The following SYNE3 variants were observed in gnomAD, a reference collection of about 807,000 sequenced individuals.
SYNE3 encodes the protein nesprin-3.
In SYNE3, 100 loss-of-function variants were observed where a neutral mutation model predicts 111.2. The observed-to-expected ratio is 0.90, with a 90% confidence interval of 0.77 to 1.06. The LOEUF is 1.06. Ranked by LOEUF, SYNE3 falls within the 50% of genes least tolerant of loss-of-function variation. The pLI, the probability that SYNE3 is intolerant of heterozygous loss-of-function variation, is 0.00. For missense variants in SYNE3, 1,160 were observed against 1,240.3 expected (o/e 0.94, Z 0.97); for synonymous variants, 547 against 533.9 (o/e 1.02, Z -0.34).
At chr14:95,497,566 CG>C (rs1566687954) in intron 1 of SYNE3, among the ~76,000 whole-genome samples, 1 of 152,170 alleles carries the variant, frequency 6.6e-6, no homozygotes, top group African/African-American at 2.4e-5. Flanking sequence ...GAATAATGCA[CG>C]GTCTGCAGAG....
chr14:95,418,055 G>A, intron 17 of SYNE3, 29 bp from the exon 18 acceptor site: 5 of 1,601,572 alleles, frequency 3.1e-6, no homozygotes, highest in Non-Finnish European at 4.2e-6. Context: ...ACAGGTGAGT[G>A]GGCTGGGGGG....
chr14:95,465,399 G>C (rs1001505841), intron 4 of SYNE3, among the ~76,000 whole-genome samples: 1 of 152,140 alleles, frequency 6.6e-6, no homozygotes, highest in Non-Finnish European at 1.5e-5. Context: ...AGCTAGGTGG[G>C]TGGATGGCTG....
Position 95,503,442 on chromosome 14 carries a change from A to G in SYNE3, c.-15+13154T>C, listed in dbSNP as rs114309106. Among the ~76,000 whole-genome samples the G allele has an allele frequency of 4.0e-3, 611 of 152,262 alleles. 4 individuals are homozygous for G. Among genetic ancestry groups the G allele is most frequent in the African/African-American group, 0.014 (590 of 41,524 alleles). ...TGCCTATTTACAGATGAAAGAACTG[A>G]GGCTCAGAGAGGCTAAGTCACCTGC... On this transcript the variant is annotated intron_variant, in intron 1 of 17. Transcript: ENST00000682763.
chr14:95,435,783 G>C (rs977295474), intron 15 of SYNE3, among the ~76,000 whole-genome samples: 7 of 152,170 alleles, frequency 4.6e-5, no homozygotes, highest in Admixed American at 1.3e-4. Flanking sequence ...GTTGAGAATG[G>C]CCTTGAATAA....
chr14:95,408,877 G>A lies in SYNE3; in HGVS notation c.*8949C>T, dbSNP rs1369455467. The A allele has an allele frequency of 1.8e-5, 6 of 337,798 alleles. No individual in the cohort carries two copies. Among genetic ancestry groups the A allele is most frequent in the Admixed American group, 1.6e-4 (4 of 24,888 alleles). The allele number at this position is 337,798 out of a possible 1,614,324, so 20.9% of individuals were successfully genotyped here. Reference sequence around the variant, plus strand: ...CCAACTCTGTCCTCTGCCTGCCCCCGCAAGGGCTGGCCTGTCCGTGCTTTT... The same window carrying A: ...CCAACTCTGTCCTCTGCCTGCCCCCACAAGGGCTGGCCTGTCCGTGCTTTT... On this transcript the variant is annotated 3_prime_UTR_variant, in exon 18 of 18. Transcript: ENST00000682763.
chr14:95,442,999 T>A (rs1886491197), intron 11 of SYNE3, among the ~76,000 whole-genome samples, 156 bp downstream of exon 11: 1 of 152,018 alleles, frequency 6.6e-6, no homozygotes, highest in African/African-American at 2.4e-5. Context: ...TCAATAATTG[T>A]CTGTTGTATG....
Position 95,407,313 on chromosome 14 carries a change from A to G in SYNE3, c.*10513T>C, listed in dbSNP as rs1199290170. Reference sequence around the variant, plus strand: ...TTTTATTTCCAAACACAAAGCAGATACATTTTTAAAAACATAAAACAACAG... The same window carrying G: ...TTTTATTTCCAAACACAAAGCAGATGCATTTTTAAAAACATAAAACAACAG... On this transcript the variant is annotated 3_prime_UTR_variant, in exon 18 of 18. Transcript: ENST00000682763. The G allele has an allele frequency of 4.6e-5, 7 of 152,242 alleles. No homozygotes were observed. Among genetic ancestry groups the G allele is most frequent in the Non-Finnish European group, 1.0e-4 (7 of 68,044 alleles). 9.4% of individuals were successfully genotyped at this position (152,242 alleles called of 1,614,324 possible). A position where few individuals can be genotyped will look rare whatever the true frequency, so the allele number is the denominator to read the frequency against.
At chr14:95,444,987 C>A (rs879474235) in intron 9 of SYNE3, among the ~76,000 whole-genome samples, 1 of 152,230 alleles carries the variant, frequency 6.6e-6, no homozygotes, top group Admixed American at 6.5e-5. Flanking sequence ...GCTGCGACAG[C>A]GACTGCCTGC....
At chr14:95,436,596 T>C (rs1039000981) in intron 15 of SYNE3, among the ~76,000 whole-genome samples, 8 of 152,268 alleles carry the variant, frequency 5.3e-5, no homozygotes, top group Admixed American at 5.2e-4. Context: ...TTAGTGGTGA[T>C]ATTTTCCAAG....
intron 1 of SYNE3, among the ~76,000 whole-genome samples, chr14:95,512,355 G>A (rs551765982): frequency 6.2e-4 from 95 of 152,132 alleles, no homozygotes; most frequent in African/African-American, 2.1e-3. Context: ...GAATATATGC[G>A]CCTCCTATTT....
At chr14:95,435,456 A>T (rs1250775547) in intron 15 of SYNE3, among the ~76,000 whole-genome samples, 3 of 152,186 alleles carry the variant, frequency 2.0e-5, no homozygotes, top group Admixed American at 6.5e-5. Context: ...AAAAATACAC[A>T]GGAGAGAGTA....
chr14:95,440,102 G>A (rs887788646), intron 11 of SYNE3, 27 bp from the exon 12 acceptor site: 2 of 1,574,472 alleles, frequency 1.3e-6, no homozygotes, highest in South Asian at 2.3e-5. Context: ...GGAGCCCAGG[G>A]CATCCTGAGT....
intron 1 of SYNE3, among the ~76,000 whole-genome samples, chr14:95,482,387 T>C (rs371802436): frequency 1.2e-4 from 18 of 152,276 alleles, no homozygotes; most frequent in African/African-American, 4.3e-4. Flanking sequence ...TGAGAAGAGA[T>C]TGCGCCACTG....
intron 17 of SYNE3, among the ~76,000 whole-genome samples, chr14:95,426,489 T>C (rs1215239308): frequency 6.6e-6 from 1 of 151,946 alleles, no homozygotes; most frequent in East Asian, 1.9e-4. Context: ...AGAAACCATT[T>C]CCTCCCACTA....
intron 1 of SYNE3, among the ~76,000 whole-genome samples, chr14:95,509,489 T>G (rs1488407093): frequency 6.6e-6 from 1 of 152,188 alleles, no homozygotes; most frequent in Non-Finnish European, 1.5e-5. Flanking sequence ...AACACCTACT[T>G]TGAGGCTGTG....
At chr14:95,453,954 G>A (rs1043992759) in intron 6 of SYNE3, among the ~76,000 whole-genome samples, 2 of 152,240 alleles carry the variant, frequency 1.3e-5, no homozygotes, top group Non-Finnish European at 2.9e-5. Context: ...GACCTATAAT[G>A]TTGTCAGGTT....
At chr14:95,511,900 G>A (rs377649275) in intron 1 of SYNE3, among the ~76,000 whole-genome samples, 3 of 149,954 alleles carry the variant, frequency 2.0e-5, no homozygotes, top group African/African-American at 7.6e-5. Context: ...AGCCTGGAGA[G>A]AAGTGTATTC....
chr14:95,445,559 C>G (rs910324404), intron 9 of SYNE3, among the ~76,000 whole-genome samples: 1 of 152,230 alleles, frequency 6.6e-6, no homozygotes. Context: ...GCTTCCAGCT[C>G]CAGGGTGGTT....
rs993631512 is a variant in SYNE3, at chr14:95,475,767, A to G, written c.55T>C (p.Trp19Arg). 4 of 1,605,738 alleles carry G rather than the reference A, an allele frequency of 2.5e-6. No individual in the cohort carries two copies. The highest frequency in any genetic ancestry group is 3.4e-6 in the Non-Finnish European group (4 of 1,176,682). ...FDRSVEDAQA[W>R]MKAVQDQLQV... ...AGCTGGTCCTGCACAGCCTTCATCC[A>G]TGCCTGGGCATCCTCCACGCTCCTG... The change falls in exon 2 of 18, where the codon TGG (tryptophan) becomes CGG (arginine). Residue 19 changes from tryptophan to arginine, a missense_variant. Physicochemically the swap from Trp to Arg is moderately radical, Grantham distance 101. Coordinates refer to ENST00000682763, the MANE Select transcript of SYNE3 (RefSeq NM_152592.6).
Sources: allele counts gnomAD v4.1 joint callset (sites outside exome capture counted in the v4.1 genomes callset), GRCh38; gene constraint gnomAD v4.1.1; transcripts MANE v1.5; gene names NCBI Gene and HGNC (gene_info 2026-07-23, HGNC 2026-07-21).